Variants in SSBP3 observed in about 807,000 individuals in gnomAD.
SSBP3 encodes the protein single stranded DNA binding protein 3.
In SSBP3, 5 loss-of-function variants were observed where a neutral mutation model predicts 69.6. That is an observed-to-expected ratio of 0.07 (90% confidence interval 0.04 to 0.15). The LOEUF (loss-of-function observed/expected upper bound fraction) is 0.15. Ranked by LOEUF, SSBP3 falls within the 10% of genes least tolerant of loss-of-function variation. The pLI, the probability that SSBP3 is intolerant of heterozygous loss-of-function variation, is 1.00. For missense variants in SSBP3, 312 were observed against 534.0 expected (o/e 0.58, Z 4.10); for synonymous variants, 196 against 193.4 (o/e 1.01, Z -0.11).
intron 13 of SSBP3, among the ~76,000 whole-genome samples, chr1:54,240,095 CGCGCGTGTGCGTGCGCGCGCGCGCGCA>C (rs1193377586): frequency 7.7e-5 from 1 of 12,972 alleles, no homozygotes; most frequent in Admixed American, 1.1e-3. Flanking sequence ...TGTGCGCGCG[CGCGCGTGTGCGTGCGCGCGCGCGCGCA>C]ACACATGCCC....
At position 54,299,152 on chromosome 1, in the gene SSBP3, G is replaced by A. The variant is rs1032425661; in HGVS notation, c.277-17625C>T. On this transcript the variant is annotated intron_variant, in intron 4 of 17. Coordinates refer to ENST00000610401, the Ensembl canonical transcript of SSBP3. ...TCTGTGCAGGTTGCAGGCCAGGCTAGCATAGATGCCCTGTCCAAGGGAGAT... is the reference window on the plus strand; with the variant it reads ...TCTGTGCAGGTTGCAGGCCAGGCTAACATAGATGCCCTGTCCAAGGGAGAT... Among the ~76,000 whole-genome samples the A allele has an allele frequency of 2.0e-5, 3 of 152,144 alleles. No individual in the cohort carries two copies. The East Asian group carries it at 5.8e-4, about 29-fold the overall frequency.
intron 14 of SSBP3, among the ~76,000 whole-genome samples, chr1:54,230,242 G>A (rs749187661): frequency 1.6e-4 from 25 of 152,098 alleles, no homozygotes; most frequent in Non-Finnish European, 2.9e-4. Context: ...CACCAAAGCA[G>A]CTCACAGGCT....
intron 4 of SSBP3, among the ~76,000 whole-genome samples, chr1:54,377,287 C>G (rs1647277769): frequency 6.6e-6 from 1 of 152,268 alleles, no homozygotes; most frequent in African/African-American, 2.4e-5. Flanking sequence ...CCTCCAGGCC[C>G]TGCCTGATAA....
intron 9 of SSBP3, among the ~76,000 whole-genome samples, chr1:54,248,307 C>T (rs530312600): frequency 7.4e-4 from 112 of 152,306 alleles, no homozygotes; most frequent in African/African-American, 2.7e-3. Context: ...AGGCAGGGCT[C>T]CCTCCCACAA....
intron 4 of SSBP3, among the ~76,000 whole-genome samples, chr1:54,367,891 G>C (rs952763571): frequency 6.6e-6 from 1 of 152,174 alleles, no homozygotes; most frequent in African/African-American, 2.4e-5. Context: ...TTATGAGAAA[G>C]CTGAAAAGAA....
intron 4 of SSBP3, among the ~76,000 whole-genome samples, chr1:54,373,253 G>A (rs1172072561): frequency 6.6e-6 from 1 of 152,134 alleles, no homozygotes; most frequent in Non-Finnish European, 1.5e-5. Flanking sequence ...ACCACTGACG[G>A]CTGAAGGGAA....
At chr1:54,315,120 A>G (rs1333063002) in intron 4 of SSBP3, among the ~76,000 whole-genome samples, 3 of 152,026 alleles carry the variant, frequency 2.0e-5, no homozygotes, top group Non-Finnish European at 2.9e-5. Flanking sequence ...GCCCCCATAA[A>G]CATTACTGAA....
chr1:54,248,083 A>T (rs774120796), intron 9 of SSBP3, among the ~76,000 whole-genome samples: 30 of 152,226 alleles, frequency 2.0e-4, no homozygotes, highest in Admixed American at 3.3e-4. Flanking sequence ...TTTGAAATAA[A>T]GTAGCCCTAT....
chr1:54,382,665 G>C (rs556345536), intron 4 of SSBP3, among the ~76,000 whole-genome samples: 1 of 151,724 alleles, frequency 6.6e-6, no homozygotes, highest in East Asian at 1.9e-4. Flanking sequence ...CAGGCCCTTG[G>C]AAAAGCCTGG....
chr1:54,402,943 T>C (rs1202508976), intron 3 of SSBP3, among the ~76,000 whole-genome samples: 2 of 152,218 alleles, frequency 1.3e-5, no homozygotes, highest in Non-Finnish European at 2.9e-5. Flanking sequence ...ACCAAAGTCC[T>C]ACTCCTGGTC....
At chr1:54,404,988 C>T in intron 1 of SSBP3, 58 bp from the exon 2 acceptor site, 1 of 1,478,118 alleles carries the variant, frequency 6.8e-7, no homozygotes, top group Non-Finnish European at 9.4e-7. Flanking sequence ...CCCACCGGCG[C>T]TCTCCAGGAC....
chr1:54,383,054 G>A (rs1411159156), intron 4 of SSBP3, among the ~76,000 whole-genome samples: 1 of 143,636 alleles, frequency 7.0e-6, no homozygotes, highest in Non-Finnish European at 1.5e-5. Context: ...GAGAAGGAAG[G>A]AAGGAAAGAA....
Position 54,345,299 on chromosome 1 carries a change from C to G in SSBP3, c.276+56562G>C, listed in dbSNP as rs559225893. 7.9e-5 allele frequency among the ~76,000 whole-genome samples: 12 copies of G among 152,246 alleles called. No homozygotes were observed. In the East Asian group the frequency reaches 9.7e-4, roughly 12 times the overall value. On this transcript the variant is annotated intron_variant, in intron 4 of 17. Transcript: ENST00000610401. ...AAAAAACATCCTTATTGACACTACG[C>G]AATATTTGCCCTTCCAATAAAACAG... is the stretch of plus-strand genomic sequence containing the variant.
chr1:54,384,592 T>C (rs1198495438), intron 4 of SSBP3, among the ~76,000 whole-genome samples: 1 of 152,180 alleles, frequency 6.6e-6, no homozygotes, highest in East Asian at 1.9e-4. Context: ...ATAAACAGGG[T>C]TCCCTGAGAG....
intron 4 of SSBP3, among the ~76,000 whole-genome samples, chr1:54,336,789 C>T (rs549594065): frequency 8.5e-4 from 129 of 152,228 alleles, no homozygotes; most frequent in Non-Finnish European, 1.6e-3. Context: ...TGGGGACACT[C>T]GAGCTATATG....
At chr1:54,366,371 C>A (rs937203212) in intron 4 of SSBP3, among the ~76,000 whole-genome samples, 1 of 152,150 alleles carries the variant, frequency 6.6e-6, no homozygotes, top group Non-Finnish European at 1.5e-5. Context: ...TCTCAACAGT[C>A]CTAAGATACT....
At chr1:54,277,524 T>TG (rs1002680033) in intron 5 of SSBP3, among the ~76,000 whole-genome samples, 10 of 152,210 alleles carry the variant, frequency 6.6e-5, no homozygotes, top group Admixed American at 5.2e-4. Flanking sequence ...TTACAGCCCC[T>TG]GGTTAACTTG....
At chr1:54,242,061 G>GC in intron 11 of SSBP3, 103 bp downstream of exon 11, 1 of 1,337,004 alleles carries the variant, frequency 7.5e-7, no homozygotes, top group Non-Finnish European at 1.1e-6. Context: ...GAGTCCTGCT[G>GC]CATCTCCCAC....
intron 4 of SSBP3, among the ~76,000 whole-genome samples, chr1:54,391,747 C>T (rs1648513613): frequency 6.6e-6 from 1 of 152,202 alleles, no homozygotes; most frequent in Non-Finnish European, 1.5e-5. Context: ...ACAGCTGTCA[C>T]CAGGAGGGGA....
Sources: allele counts gnomAD v4.1 joint callset (sites outside exome capture counted in the v4.1 genomes callset), GRCh38; gene constraint gnomAD v4.1.1; transcripts MANE v1.5; gene names NCBI Gene and HGNC (gene_info 2026-07-23, HGNC 2026-07-21).